The following ACAP2 variants were observed in gnomAD, a reference collection of about 807,000 sequenced individuals.
ACAP2 encodes arf-GAP with coiled-coil, ANK repeat and PH domain-containing protein 2.
In ACAP2, 39 loss-of-function variants were observed where a neutral mutation model predicts 115.8. That is an observed-to-expected ratio of 0.34 (90% CI 0.26 to 0.44). The LOEUF (loss-of-function observed/expected upper bound fraction) is 0.44. Ranked by LOEUF, ACAP2 falls within the 20% of genes least tolerant of loss-of-function variation. The pLI is 1.00. For synonymous variants in ACAP2, 289 were observed against 315.8 expected, an observed-to-expected ratio of 0.92 and a Z score of 0.90; for missense variants, 662 against 927.6, an observed-to-expected ratio of 0.71 and a Z score of 3.72.
rs528626221 is a variant in ACAP2 at position 195,391,927 on chromosome 3, G to A, written c.111+163C>T. On this transcript the variant is annotated intron_variant, in intron 2 of 22. Transcript: ENST00000326793. ...GGAGGATCGTTTGAACCCAGGAGACGGAGGTTGCAGTGAGCTGAGATCATG... is the reference window on the plus strand; with the variant it reads ...GGAGGATCGTTTGAACCCAGGAGACAGAGGTTGCAGTGAGCTGAGATCATG... Among the ~76,000 whole-genome samples the A allele has an allele frequency of 1.4e-3, 208 of 152,118 alleles. 1 individual carries two copies. Among genetic ancestry groups the A allele is most frequent in the Non-Finnish European group, 2.0e-3 (139 of 67,972 alleles).
At chr3:195,373,819 G>T (rs1733336703) in intron 4 of ACAP2, among the ~76,000 whole-genome samples, 1 of 151,908 alleles carries the variant, frequency 6.6e-6, no homozygotes, top group African/African-American at 2.4e-5. Context: ...CAGCTACTCA[G>T]GAGGCTAAGG....
intron 8 of ACAP2, among the ~76,000 whole-genome samples, chr3:195,330,507 T>A (rs1730097696): frequency 6.6e-6 from 1 of 152,196 alleles, no homozygotes; most frequent in Non-Finnish European, 1.5e-5. Flanking sequence ...TTTTATAAAT[T>A]ACACTGAACA....
At chr3:195,380,014 A>C (rs767490510) in intron 4 of ACAP2, among the ~76,000 whole-genome samples, 3 of 152,168 alleles carry the variant, frequency 2.0e-5, no homozygotes, top group Non-Finnish European at 4.4e-5. Flanking sequence ...GATGTGGAGA[A>C]CTTGGAACAC....
chr3:195,353,431 G>A (rs1197596504), intron 4 of ACAP2, among the ~76,000 whole-genome samples: 1 of 152,154 alleles, frequency 6.6e-6, no homozygotes, highest in Non-Finnish European at 1.5e-5. Context: ...CAATGCAATC[G>A]TATTGAGCAA....
intron 1 of ACAP2, among the ~76,000 whole-genome samples, chr3:195,402,370 T>C (rs1195127621): frequency 6.6e-6 from 1 of 152,104 alleles, no homozygotes; most frequent in Admixed American, 6.6e-5. Context: ...TCCAGCCTTA[T>C]ATAAATGATA....
chr3:195,306,101 C>T (rs1185774294), intron 13 of ACAP2, among the ~76,000 whole-genome samples: 1 of 152,046 alleles, frequency 6.6e-6, no homozygotes, highest in East Asian at 1.9e-4. Context: ...GACCTAAGTT[C>T]CCACATTCAC....
rs190980612 is a variant in ACAP2 at position 195,293,451 on chromosome 3, G to A, written c.1766-999C>T. On this transcript the variant is annotated intron_variant, in intron 18 of 22. Coordinates refer to ENST00000326793, the MANE Select transcript of ACAP2 (RefSeq NM_012287.6). ...CTTTCTCCTGATAGGACAGCCACAA[G>A]GAAAGATAAACGATAATAAGACAGT... Among the ~76,000 whole-genome samples the A allele has an allele frequency of 2.2e-4, 34 of 152,324 alleles. No homozygotes were observed. The East Asian group carries it at 6.6e-3, about 29-fold the overall frequency.
chr3:195,295,700 T>G lies in ACAP2; in HGVS notation c.1672+8A>C, dbSNP rs753778608. 1 of 1,614,022 alleles carries G rather than the reference T, an allele frequency of 6.2e-7. No individual in the cohort carries two copies. ...TAGCTATAGACACAGTAAGAAAGTT[T>G]GCCATACCTGAACTTTGGGCAGATG... On this transcript the variant is annotated splice_region_variant and intron_variant, in intron 17 of 22. Coordinates refer to ENST00000326793, the MANE Select transcript of ACAP2 (RefSeq NM_012287.6).
chr3:195,340,188 A>T (rs1204080309), intron 6 of ACAP2, among the ~76,000 whole-genome samples: 1 of 150,976 alleles, frequency 6.6e-6, no homozygotes, highest in Non-Finnish European at 1.5e-5. Flanking sequence ...GAAAGAACCA[A>T]TTTAAGAGGT....
At chr3:195,416,648 C>T (rs910835820) in intron 1 of ACAP2, among the ~76,000 whole-genome samples, 2 of 151,924 alleles carry the variant, frequency 1.3e-5, no homozygotes, top group East Asian at 1.9e-4. Context: ...TCATTTTTCA[C>T]AAAGAAAAAT....
Position 195,402,503 on chromosome 3 carries a change from T to C in ACAP2, c.54-10356A>G, listed in dbSNP as rs139728473. ...CTTTTGGCATACAAGGTCGCACCTA[T>C]TTACCTATATGTAACCAATATTATA... On this transcript the variant is annotated intron_variant, in intron 1 of 22. Coordinates refer to ENST00000326793, the MANE Select transcript of ACAP2 (RefSeq NM_012287.6). 3.3e-5 allele frequency among the ~76,000 whole-genome samples: 5 copies of C among 152,330 alleles called. No individual in the cohort carries two copies. The East Asian group carries it at 9.6e-4, about 29-fold the overall frequency.
chr3:195,414,371 A>G lies in ACAP2; in HGVS notation c.54-22224T>C, dbSNP rs370577671. On this transcript the variant is annotated intron_variant, in intron 1 of 22. Transcript: ENST00000326793. ...TGATCCTCCTGCCTCAGCCTCCCAAAGTGCTGGGATTATAGGTATGAGCTG... is the reference window on the plus strand; with the variant it reads ...TGATCCTCCTGCCTCAGCCTCCCAAGGTGCTGGGATTATAGGTATGAGCTG... Among the ~76,000 whole-genome samples, 5 of 152,290 alleles carry G rather than the reference A, an allele frequency of 3.3e-5. No homozygotes were observed. In the East Asian group the frequency reaches 7.7e-4, roughly 23 times the overall value.
intron 15 of ACAP2, among the ~76,000 whole-genome samples, chr3:195,299,415 CAAA>C (rs66689467): frequency 1.5e-5 from 2 of 133,744 alleles, no homozygotes; most frequent in Non-Finnish European, 1.6e-5. Context: ...ACAAAAAATA[CAAA>C]AAAAAAAAAA....
At chr3:195,357,810 C>T (rs1311175799) in intron 4 of ACAP2, 1 of 152,356 alleles carries the variant, frequency 6.6e-6, no homozygotes, top group African/African-American at 2.4e-5. Context: ...GTTTAATTGA[C>T]TCACAGTTCT....
At chr3:195,383,230 A>C (rs1734065633) in intron 2 of ACAP2, among the ~76,000 whole-genome samples, 1 of 152,148 alleles carries the variant, frequency 6.6e-6, no homozygotes, top group African/African-American at 2.4e-5. Context: ...AAGAGCAAAA[A>C]AATATTTGAA....
At chr3:195,310,220 G>A (rs1361631417) in intron 10 of ACAP2, among the ~76,000 whole-genome samples, 1 of 152,142 alleles carries the variant, frequency 6.6e-6, no homozygotes, top group Non-Finnish European at 1.5e-5. Context: ...TTACTAGACA[G>A]ACTTAGGTTT....
At chr3:195,326,986 C>A in intron 8 of ACAP2, 27 bp from the exon 9 acceptor site, 6 of 1,593,332 alleles carry the variant, frequency 3.8e-6, no homozygotes, top group Non-Finnish European at 5.2e-6. Flanking sequence ...GAGAAAACTG[C>A]AGACTTAAAA....
chr3:195,300,044 C>CG (rs1553845877), intron 15 of ACAP2, among the ~76,000 whole-genome samples: 5 of 34,354 alleles, frequency 1.5e-4, no homozygotes, highest in African/African-American at 3.5e-4. Flanking sequence ...CTTTTTTTTT[C>CG]TTTTTTTTTT....
chr3:195,436,597 T>C (rs1416379433), intron 1 of ACAP2, among the ~76,000 whole-genome samples: 1 of 152,176 alleles, frequency 6.6e-6, no homozygotes, highest in Non-Finnish European at 1.5e-5. Flanking sequence ...CTAAATACCA[T>C]ATAGTTGAAT....
Sources: gnomAD v4.1 joint callset for allele counts (sites outside exome capture counted in the v4.1 genomes callset) on GRCh38, gnomAD v4.1.1 for gene constraint, MANE v1.5 for transcripts, NCBI Gene and HGNC (gene_info 2026-07-23, HGNC 2026-07-21) for gene names.